Variants in MBOAT2 observed in about 807,000 individuals in gnomAD.
MBOAT2 encodes membrane bound glycerophospholipid O-acyltransferase 2.
In MBOAT2, 28 loss-of-function variants were observed where a neutral mutation model predicts 63.4. The ratio of observed to expected loss-of-function variants is 0.44; its 90% confidence interval spans 0.33 to 0.61. The LOEUF (loss-of-function observed/expected upper bound fraction) is 0.61. Ranked by LOEUF, MBOAT2 falls within the 20% of genes least tolerant of loss-of-function variation. The pLI, the probability that MBOAT2 is intolerant of heterozygous loss-of-function variation, is 0.03. For missense variants in MBOAT2, 470 were observed against 605.8 expected, an observed-to-expected ratio of 0.78 and a Z score of 2.35; for synonymous variants, 211 against 215.6, an observed-to-expected ratio of 0.98 and a Z score of 0.19.
chr2:8,938,815 C>T (rs960857701), intron 3 of MBOAT2, among the ~76,000 whole-genome samples: 3 of 152,226 alleles, frequency 2.0e-5, no homozygotes, highest in Non-Finnish European at 2.9e-5. Flanking sequence ...CACGCCTCTG[C>T]CTGTGCTGTC....
rs149958525 is a variant in MBOAT2 at position 8,884,721 on chromosome 2, C to T, written c.452-2156G>A. 9.1e-4 allele frequency among the ~76,000 whole-genome samples: 138 copies of T among 152,174 alleles called. 1 individual carries two copies. The East Asian group carries it at 9.1e-3, about 10-fold the overall frequency. On this transcript the variant is annotated intron_variant, in intron 5 of 12. Transcript: ENST00000305997. The stretch of plus-strand genomic sequence containing the variant: ...CAGTCTGCCATGTTGCTCAGAGAAG[C>T]GATTACTGCTTTCGAAGTGTAAACT...
intron 1 of MBOAT2, among the ~76,000 whole-genome samples, chr2:8,993,623 A>G (rs1407953452): frequency 6.6e-6 from 1 of 152,152 alleles, no homozygotes; most frequent in Non-Finnish European, 1.5e-5. Flanking sequence ...TGACCCCACT[A>G]GACCCACTAG....
intron 1 of MBOAT2, among the ~76,000 whole-genome samples, chr2:8,959,247 G>C (rs1669447788): frequency 1.3e-5 from 2 of 152,080 alleles, no homozygotes. Flanking sequence ...AATTAGATAA[G>C]GGACAAAGCA....
chr2:8,968,200 G>A (rs1227025070), intron 1 of MBOAT2, among the ~76,000 whole-genome samples: 1 of 152,058 alleles, frequency 6.6e-6, no homozygotes, highest in Non-Finnish European at 1.5e-5. Flanking sequence ...GAACGATCAG[G>A]CAGCAACATT....
At chr2:8,926,051 G>A (rs890877348) in intron 3 of MBOAT2, among the ~76,000 whole-genome samples, 3 of 152,128 alleles carry the variant, frequency 2.0e-5, no homozygotes, top group Non-Finnish European at 4.4e-5. Flanking sequence ...GGAGAGCAAG[G>A]GTGAGAAGGC....
At position 8,945,561 on chromosome 2, in the gene MBOAT2, A is replaced by C. The variant is rs557264585; in HGVS notation, c.222-2297T>G. On this transcript the variant is annotated intron_variant, in intron 2 of 12. Transcript: ENST00000305997. ...CTCGTGATTTCAGAACTGAGGAAAC[A>C]AAGATCATCTATCTAGTCAGTATAT... Among the ~76,000 whole-genome samples, 4 of 152,310 alleles carry C rather than the reference A, an allele frequency of 2.6e-5. No individual in the cohort carries two copies. In the East Asian group the frequency reaches 7.7e-4, roughly 29 times the overall value.
At chr2:8,918,023 TG>T (rs1666313119) in intron 3 of MBOAT2, among the ~76,000 whole-genome samples, 1 of 152,182 alleles carries the variant, frequency 6.6e-6, no homozygotes, top group Non-Finnish European at 1.5e-5. Flanking sequence ...CAGGCTAAAT[TG>T]ATCTATGGTG....
intron 4 of MBOAT2, among the ~76,000 whole-genome samples, chr2:8,896,043 C>T (rs548206871): frequency 1.6e-3 from 247 of 152,058 alleles, no homozygotes; most frequent in Middle Eastern, 6.8e-3. Flanking sequence ...CGAGACCATC[C>T]TGGCTAACAT....
At chr2:8,891,739 G>A (rs1664019038) in intron 4 of MBOAT2, among the ~76,000 whole-genome samples, 1 of 152,186 alleles carries the variant, frequency 6.6e-6, no homozygotes, top group African/African-American at 2.4e-5. Context: ...GATGGAAATG[G>A]GAAGCTGAAG....
intron 1 of MBOAT2, among the ~76,000 whole-genome samples, chr2:8,997,407 A>T (rs1234304591): frequency 6.6e-6 from 1 of 152,234 alleles, no homozygotes; most frequent in Non-Finnish European, 1.5e-5. Flanking sequence ...CTCTTGAAGC[A>T]GTGAGGAAGC....
intron 12 of MBOAT2, 130 bp downstream of exon 12, chr2:8,860,483 G>C: frequency 1.1e-6 from 1 of 900,952 alleles, no homozygotes; most frequent in Non-Finnish European, 1.7e-6. Flanking sequence ...GAATTAAAAA[G>C]TAACTGATAA....
intron 4 of MBOAT2, among the ~76,000 whole-genome samples, chr2:8,898,945 G>A (rs1303419424): frequency 1.3e-5 from 2 of 152,012 alleles, no homozygotes; most frequent in African/African-American, 4.8e-5. Flanking sequence ...CTGACCATTC[G>A]GTTTTTGTAC....
At chr2:8,913,464 C>T (rs750852383) in intron 3 of MBOAT2, among the ~76,000 whole-genome samples, 37 of 151,214 alleles carry the variant, frequency 2.4e-4, no homozygotes, top group African/African-American at 7.5e-4. Context: ...GAATCTACAA[C>T]GAACTCAATC....
chr2:8,863,226 T>C (rs1393584273), intron 10 of MBOAT2, among the ~76,000 whole-genome samples: 4 of 152,094 alleles, frequency 2.6e-5, no homozygotes, highest in Non-Finnish European at 5.9e-5. Flanking sequence ...ACACAACAGA[T>C]TAGCTCAGAG....
At chr2:8,888,161 T>C in intron 4 of MBOAT2, 88 bp from the exon 5 acceptor site, 4 of 1,229,990 alleles carry the variant, frequency 3.3e-6, no homozygotes, top group Non-Finnish European at 4.7e-6. Flanking sequence ...TATTCTGCTT[T>C]TATCACTACA....
At chr2:8,928,396 C>T (rs1322850862) in intron 3 of MBOAT2, among the ~76,000 whole-genome samples, 3 of 152,114 alleles carry the variant, frequency 2.0e-5, no homozygotes, top group African/African-American at 7.2e-5. Flanking sequence ...GGCACAGAGG[C>T]TGGTAGGACG....
At chr2:8,994,991 G>A (rs1002295172) in intron 1 of MBOAT2, among the ~76,000 whole-genome samples, 4 of 152,216 alleles carry the variant, frequency 2.6e-5, no homozygotes, top group Non-Finnish European at 5.9e-5. Context: ...CGCCACATAC[G>A]TTGCTCTAAG....
chr2:8,861,581 T>C (rs973340870), intron 11 of MBOAT2, among the ~76,000 whole-genome samples: 1 of 152,250 alleles, frequency 6.6e-6, no homozygotes, highest in Non-Finnish European at 1.5e-5. Context: ...CTAAGAATTA[T>C]GGGTTTTGCT....
intron 2 of MBOAT2, among the ~76,000 whole-genome samples, chr2:8,944,746 G>T (rs890508984): frequency 6.6e-6 from 1 of 151,600 alleles, no homozygotes; most frequent in Non-Finnish European, 1.5e-5. Flanking sequence ...AAACCTAAAT[G>T]AGTATAAAAG....
Sources: gnomAD v4.1 joint callset for allele counts (sites outside exome capture counted in the v4.1 genomes callset) on GRCh38, gnomAD v4.1.1 for gene constraint, MANE v1.5 for transcripts, NCBI Gene and HGNC (gene_info 2026-07-23, HGNC 2026-07-21) for gene names.